The following TGFA variants were observed in gnomAD, a reference collection of about 807,000 sequenced individuals.
TGFA encodes the protein protransforming growth factor alpha.
Under a neutral mutation model 21.7 loss-of-function variants are expected in TGFA, and 12 were observed. That is an observed-to-expected ratio of 0.55 (90% CI 0.35 to 0.90). The LOEUF (loss-of-function observed/expected upper bound fraction) is 0.90, where lower values mean the gene tolerates loss of function less well. Ranked by LOEUF, TGFA falls within the 40% of genes least tolerant of loss-of-function variation. TGFA has a pLI of 0.01. For synonymous variants in TGFA, 79 were observed against 88.1 expected (o/e 0.90, Z 0.58); for missense variants, 178 against 210.8 (o/e 0.84, Z 0.96).
intron 4 of TGFA, among the ~76,000 whole-genome samples, chr2:70,455,933 G>A (rs375043428): frequency 2.0e-5 from 3 of 152,352 alleles, no homozygotes; most frequent in East Asian, 1.9e-4. Flanking sequence ...AATGGCCCTC[G>A]ACATGTATTT....
intron 2 of TGFA, among the ~76,000 whole-genome samples, chr2:70,468,966 C>T (rs1670655135): frequency 6.6e-6 from 1 of 152,106 alleles, no homozygotes; most frequent in South Asian, 2.1e-4. Flanking sequence ...GCAACTGGTC[C>T]CTGGTGTCAA....
chr2:70,532,915 C>G (rs963388018), intron 1 of TGFA, among the ~76,000 whole-genome samples: 1 of 151,178 alleles, frequency 6.6e-6, no homozygotes, highest in Non-Finnish European at 1.5e-5. Flanking sequence ...GGCTGGAGTG[C>G]AGTGGCACAA....
chr2:70,526,222 C>T (rs1216664457), intron 1 of TGFA, among the ~76,000 whole-genome samples: 2 of 152,194 alleles, frequency 1.3e-5, no homozygotes, highest in South Asian at 4.1e-4. Flanking sequence ...TTGTCTGTCT[C>T]TTTGTATTAA....
intron 1 of TGFA, among the ~76,000 whole-genome samples, chr2:70,546,530 G>T (rs1288610777): frequency 6.6e-6 from 1 of 152,088 alleles, no homozygotes; most frequent in Non-Finnish European, 1.5e-5. Flanking sequence ...CTGGAGTGCA[G>T]TGGCTCAATC....
chr2:70,495,923 C>T (rs1360420221), intron 2 of TGFA, among the ~76,000 whole-genome samples: 1 of 152,216 alleles, frequency 6.6e-6, no homozygotes, highest in Non-Finnish European at 1.5e-5. Flanking sequence ...TTGCACCCTA[C>T]TGGCTACTTT....
chr2:70,511,225 AG>A (rs1344285317), intron 2 of TGFA, among the ~76,000 whole-genome samples: 1 of 152,214 alleles, frequency 6.6e-6, no homozygotes, highest in Non-Finnish European at 1.5e-5. Flanking sequence ...TACAGTGAGA[AG>A]GCCTGCAAAT....
chr2:70,459,100 C>T (rs1426442615), intron 3 of TGFA, among the ~76,000 whole-genome samples: 1 of 152,170 alleles, frequency 6.6e-6, no homozygotes, highest in Non-Finnish European at 1.5e-5. Context: ...AGGTGAGCAA[C>T]CCATGACAAT....
intron 2 of TGFA, among the ~76,000 whole-genome samples, chr2:70,505,906 A>C (rs1413667955): frequency 6.6e-6 from 1 of 152,254 alleles, no homozygotes; most frequent in Non-Finnish European, 1.5e-5. Flanking sequence ...ACAGGAAACG[A>C]GGAAAGGAGA....
rs1024462465 is a variant in TGFA at position 70,522,662 on chromosome 2, C to T, written c.41-7750G>A. Among the ~76,000 whole-genome samples the T allele has an allele frequency of 7.9e-5, 12 of 152,020 alleles. 1 individual carries two copies. Among genetic ancestry groups the T allele is most frequent in the Non-Finnish European group, 1.8e-4 (12 of 67,990 alleles). ...GTTGGCCAGGCTGGTCTTAAACTCC[C>T]GACCTTAAGTGATCCACCTGCCTCG... On this transcript the variant is annotated intron_variant, in intron 1 of 5. Transcript: ENST00000295400.
intron 2 of TGFA, among the ~76,000 whole-genome samples, chr2:70,503,420 G>C (rs1671798760): frequency 7.1e-6 from 1 of 140,770 alleles, no homozygotes; most frequent in Non-Finnish European, 1.5e-5. Context: ...ACCGGGGCCT[G>C]TTGTGAGGTG....
chr2:70,486,349 T>C (rs1671271356), intron 2 of TGFA, among the ~76,000 whole-genome samples: 1 of 152,244 alleles, frequency 6.6e-6, no homozygotes, highest in African/African-American at 2.4e-5. Context: ...CTCCTCTTGG[T>C]TGTATGAGAC....
intron 3 of TGFA, among the ~76,000 whole-genome samples, chr2:70,464,904 C>T (rs1310025671): frequency 6.6e-6 from 1 of 152,198 alleles, no homozygotes; most frequent in Non-Finnish European, 1.5e-5. Context: ...ACCCTAACAC[C>T]TGCTCTGGGA....
At chr2:70,466,110 G>A (rs1345429598) in intron 2 of TGFA, among the ~76,000 whole-genome samples, 1 of 152,144 alleles carries the variant, frequency 6.6e-6, no homozygotes, top group Non-Finnish European at 1.5e-5. Context: ...GCAAGAGAAT[G>A]GAAAGGTACA....
Position 70,456,415 on chromosome 2 carries a change from T to G in TGFA, c.289A>C (p.Lys97Gln), listed in dbSNP as rs539481707. 1.1e-5 allele frequency: 17 copies of G among 1,597,898 alleles called. No homozygotes were observed. The highest frequency in any genetic ancestry group is 9.4e-5 in the African/African-American group (7 of 74,652). ...ACCACCAAGGCGGTGATGGCCTGCTTCTTCTGGCTGGCAGCCACCACGGCC... is the reference window on the plus strand; with the variant it reads ...ACCACCAAGGCGGTGATGGCCTGCTGCTTCTGGCTGGCAGCCACCACGGCC... ...LLAVVAASQKKQAITALVVVS... is the reference protein window; with the variant it reads ...LLAVVAASQKQQAITALVVVS... The change falls in exon 4 of 6, where the codon AAG becomes CAG. Residue 97 changes from lysine to glutamine, a missense_variant. Transcript: ENST00000295400.
intron 2 of TGFA, among the ~76,000 whole-genome samples, chr2:70,504,463 T>TATATATATAC (rs1224115401): frequency 2.4e-3 from 117 of 48,756 alleles, no homozygotes; most frequent in Middle Eastern, 0.01. Flanking sequence ...TATATATATA[T>TATATATATAC]ACACACATAC....
intron 2 of TGFA, among the ~76,000 whole-genome samples, chr2:70,466,722 TACAC>T (rs1670576834): frequency 6.6e-6 from 1 of 152,122 alleles, no homozygotes; most frequent in Non-Finnish European, 1.5e-5. Context: ...ATGATAAAGA[TACAC>T]ACATGCGTCT....
chr2:70,505,598 T>G (rs1184587661), intron 2 of TGFA, among the ~76,000 whole-genome samples: 1 of 151,968 alleles, frequency 6.6e-6, no homozygotes, highest in African/African-American at 2.4e-5. Flanking sequence ...ACATGCTCAT[T>G]AAATCCAAGC....
chr2:70,506,984 T>C (rs1209656531), intron 2 of TGFA, among the ~76,000 whole-genome samples: 1 of 152,214 alleles, frequency 6.6e-6, no homozygotes, highest in Admixed American at 6.5e-5. Context: ...AGAGTTTGGA[T>C]GAATATTCCC....
At chr2:70,531,720 G>A (rs7590509) in intron 1 of TGFA, among the ~76,000 whole-genome samples, 11,476 of 152,192 alleles carry the variant, frequency 0.075, 501 homozygotes, top group Middle Eastern at 0.14. Flanking sequence ...TTTCCCACTT[G>A]CTTCAAACAA....
Sources: gnomAD v4.1 joint callset for allele counts (sites outside exome capture counted in the v4.1 genomes callset) on GRCh38, gnomAD v4.1.1 for gene constraint, MANE v1.5 for transcripts, NCBI Gene and HGNC (gene_info 2026-07-23, HGNC 2026-07-21) for gene names.